The following TMCC3 variants were observed in gnomAD, a reference collection of about 807,000 sequenced individuals.
TMCC3 encodes transmembrane and coiled-coil domain family 3.
TMCC3 carries 28 observed loss-of-function variants against 40.2 expected under a neutral mutation model. That is an observed-to-expected ratio of 0.70 (90% CI 0.52 to 0.95). The LOEUF (loss-of-function observed/expected upper bound fraction) is 0.95. Ranked by LOEUF, TMCC3 falls within the 40% of genes least tolerant of loss-of-function variation. The pLI, the probability that TMCC3 is intolerant of heterozygous loss-of-function variation, is 0.00. For synonymous variants in TMCC3, 255 were observed against 248.5 expected (o/e 1.03, Z -0.25); for missense variants, 554 against 615.2 (o/e 0.90, Z 1.05).
In TMCC3 at chr12:94,582,249, G is replaced by A; in HGVS notation, c.368C>T (p.Ala123Val). ...CTTCTGCAGCTGGGCGATGGAGTGAGCTGATTTCTGATTCTTCTTCTCAAA... is the reference window on the plus strand; with the variant it reads ...CTTCTGCAGCTGGGCGATGGAGTGAACTGATTTCTGATTCTTCTTCTCAAA... ...QVFEKKNQKS[A>V]HSIAQLQKKL... The change falls in exon 2 of 4, where the codon GCT (alanine) becomes GTT (valine). Residue 123 changes from alanine to valine, a missense_variant. Coordinates refer to ENST00000261226, the MANE Select transcript of TMCC3 (RefSeq NM_020698.4). 1 of 1,614,146 alleles carries A rather than the reference G, an allele frequency of 6.2e-7. No homozygotes were observed. Among genetic ancestry groups the A allele is most frequent in the Non-Finnish European group, 8.5e-7 (1 of 1,180,036 alleles).
chr12:94,650,335 C>T lies in TMCC3; in HGVS notation c.78+18G>A. On this transcript the variant is annotated intron_variant, in intron 1 of 3. Transcript: ENST00000261226. Reference sequence around the variant, plus strand: ...CGGGCCCGCGCGCACCCGCCGCCCCCCAGCCCGCTGCGCTCACCCGGCTCT... The same window carrying T: ...CGGGCCCGCGCGCACCCGCCGCCCCTCAGCCCGCTGCGCTCACCCGGCTCT... 2.3e-6 allele frequency: 3 copies of T among 1,286,542 alleles called. No homozygotes were observed. The highest frequency in any genetic ancestry group is 9.9e-7 in the Non-Finnish European group (1 of 1,013,928). 79.7% of individuals were successfully genotyped at this position (1,286,542 alleles called of 1,614,324 possible). A position where few individuals can be genotyped will look rare whatever the true frequency, so the allele number is the denominator to read the frequency against.
At chr12:94,631,893 T>A (rs71458554) in intron 1 of TMCC3, among the ~76,000 whole-genome samples, 5 of 152,230 alleles carry the variant, frequency 3.3e-5, no homozygotes, top group African/African-American at 1.2e-4. Flanking sequence ...GAAAAACAGA[T>A]GAGGTGTGGG....
intron 1 of TMCC3, among the ~76,000 whole-genome samples, chr12:94,603,665 C>T (rs1410865932): frequency 2.0e-5 from 3 of 152,066 alleles, no homozygotes; most frequent in African/African-American, 4.8e-5. Flanking sequence ...CACCAGGGAG[C>T]ACTGGGGTGC....
intron 1 of TMCC3, among the ~76,000 whole-genome samples, chr12:94,613,650 A>G (rs1255145839): frequency 1.3e-5 from 2 of 152,228 alleles, no homozygotes; most frequent in East Asian, 3.9e-4. Flanking sequence ...TGGGGGTGGG[A>G]AGGCTTGTGA....
At chr12:94,650,316 C>T (rs2069048996) in intron 1 of TMCC3, 37 bp downstream of exon 1, 2 of 1,222,622 alleles carry the variant, frequency 1.6e-6, no homozygotes, top group Non-Finnish European at 2.0e-6. Context: ...CCCCCGGGCC[C>T]GCGCGCACCC....
At chr12:94,642,503 C>A (rs1356682439) in intron 1 of TMCC3, among the ~76,000 whole-genome samples, 2 of 152,206 alleles carry the variant, frequency 1.3e-5, no homozygotes, top group East Asian at 1.9e-4. Flanking sequence ...GCACAGTCTC[C>A]TCGAATGCCT....
chr12:94,603,559 A>C (rs1296252253), intron 1 of TMCC3, among the ~76,000 whole-genome samples: 1 of 152,208 alleles, frequency 6.6e-6, no homozygotes, highest in Admixed American at 6.5e-5. Context: ...ACACACAAAA[A>C]TGTGATGGTG....
intron 1 of TMCC3, among the ~76,000 whole-genome samples, chr12:94,591,894 G>A (rs568180402): frequency 2.6e-5 from 4 of 152,270 alleles, no homozygotes; most frequent in East Asian, 1.9e-4. Flanking sequence ...CTGAACCACC[G>A]GATCCCAGCA....
Position 94,581,751 on chromosome 12 carries a change from A to G in TMCC3, c.866T>C (p.Val289Ala). The change falls in exon 2 of 4, where the codon GTG becomes GCG. Residue 289 changes from valine (V) to alanine (A), a missense_variant. Val to Ala is a moderately conservative substitution (Grantham distance 64, BLOSUM62 0). Coordinates refer to ENST00000261226, the MANE Select transcript of TMCC3 (RefSeq NM_020698.4). ...STLDSQGKLA[V>A]ILEELREIKD... ...GATCTCCCTCAGTTCCTCCAGGATC[A>G]CGGCGAGCTTGCCCTGGCTGTCCAG... The G allele has an allele frequency of 6.2e-7, 1 of 1,614,154 alleles. No homozygotes were observed. The highest frequency in any genetic ancestry group is 1.7e-5 in the Admixed American group (1 of 60,018).
intron 1 of TMCC3, among the ~76,000 whole-genome samples, chr12:94,637,738 A>C (rs1436913326): frequency 4.6e-5 from 7 of 152,268 alleles, no homozygotes; most frequent in African/African-American, 4.8e-5. Context: ...AAATGGTTAA[A>C]TAAATGATGG....
chr12:94,642,187 C>T (rs1210251849), intron 1 of TMCC3, among the ~76,000 whole-genome samples: 2 of 152,122 alleles, frequency 1.3e-5, no homozygotes, highest in African/African-American at 4.8e-5. Flanking sequence ...TTATGTAAAG[C>T]AATCCTTTTT....
intron 3 of TMCC3, among the ~76,000 whole-genome samples, chr12:94,571,978 A>C (rs2068532476): frequency 6.6e-6 from 1 of 152,172 alleles, no homozygotes; most frequent in Non-Finnish European, 1.5e-5. Context: ...ACCATAAATG[A>C]GGAAGTATGG....
chr12:94,571,917 T>C (rs989436485), intron 3 of TMCC3, among the ~76,000 whole-genome samples, 180 bp from the exon 4 acceptor site: 1 of 152,196 alleles, frequency 6.6e-6, no homozygotes, highest in African/African-American at 2.4e-5. Flanking sequence ...CCCAGGCTCA[T>C]TTTCTCCTGT....
intron 1 of TMCC3, among the ~76,000 whole-genome samples, chr12:94,582,996 A>ATTTTTTTTTTTTT (rs1566316435): frequency 4.5e-5 from 1 of 22,094 alleles, no homozygotes; most frequent in Non-Finnish European, 6.9e-5. Context: ...TTTTTTTTTA[A>ATTTTTTTTTTTTT]AAAAGAAAGA....
chr12:94,587,331 G>C lies in TMCC3; in HGVS notation c.79-4793C>G, dbSNP rs369939411. Among the ~76,000 whole-genome samples, 119 of 152,268 alleles carry C rather than the reference G, an allele frequency of 7.8e-4. 4 individuals are homozygous for C. In the South Asian group the frequency reaches 0.024, roughly 31 times the overall value. On this transcript the variant is annotated intron_variant, in intron 1 of 3. Coordinates refer to ENST00000261226, the MANE Select transcript of TMCC3 (RefSeq NM_020698.4). The stretch of plus-strand genomic sequence containing the variant: ...ACGGGCTTCCATTTCTGAATCTATA[G>C]AACAAGGAGACAGAACCAGACAATT...
At chr12:94,571,822 C>T in intron 3 of TMCC3, 85 bp from the exon 4 acceptor site, 1 of 1,457,996 alleles carries the variant, frequency 6.9e-7, no homozygotes, top group Non-Finnish European at 9.3e-7. Context: ...ACACAAAAGC[C>T]CCAGCTCAGA....
chr12:94,625,647 CT>C (rs1459030864), intron 1 of TMCC3, among the ~76,000 whole-genome samples: 2 of 150,830 alleles, frequency 1.3e-5, no homozygotes, highest in Non-Finnish European at 2.9e-5. Context: ...GGCAAATAGT[CT>C]CACCGTGAAC....
At chr12:94,613,085 T>TAC (rs1398912392) in intron 1 of TMCC3, among the ~76,000 whole-genome samples, 5 of 150,748 alleles carry the variant, frequency 3.3e-5, no homozygotes, top group South Asian at 2.1e-4. Flanking sequence ...TATATATATA[T>TAC]ACACACAATA....
rs772213678 is a variant in TMCC3, at chr12:94,582,536, T to C, written c.81A>G (p.Val27=). Reference sequence around the variant, plus strand: ...TTAAGGTATTCATGTCATGACGTTCTACCTGAAAGAGACAGGAAAGAAGCA... The same window carrying C: ...TTAAGGTATTCATGTCATGACGTTCCACCTGAAAGAGACAGGAAAGAAGCA... ...PGRHHRCKSR[V]ERHDMNTLSL... is the part of the protein sequence containing the mutation. The change falls in exon 2 of 4, where the codon GTA becomes GTG. Residue 27 remains valine, a splice_region_variant and synonymous_variant. Coordinates refer to ENST00000261226, the MANE Select transcript of TMCC3 (RefSeq NM_020698.4). 3.8e-6 allele frequency: 6 copies of C among 1,586,914 alleles called. No individual in the cohort carries two copies. The highest frequency in any genetic ancestry group is 5.1e-6 in the Non-Finnish European group (6 of 1,168,528).
Sources: allele counts gnomAD v4.1 joint callset (sites outside exome capture counted in the v4.1 genomes callset), GRCh38; gene constraint gnomAD v4.1.1; transcripts MANE v1.5; gene names NCBI Gene and HGNC (gene_info 2026-07-23, HGNC 2026-07-21).